NDUFAF6: variants seen among roughly 807,000 people sequenced by gnomAD.
The protein encoded by NDUFAF6 is NADH dehydrogenase (ubiquinone) complex I, assembly factor 6.
A neutral mutation model predicts 40.8 loss-of-function variants in NDUFAF6; 45 were observed. That is an observed-to-expected ratio of 1.10 (90% CI 0.87 to 1.42). NDUFAF6 has a LOEUF of 1.42. Among genes scored for constraint, NDUFAF6 ranks in the 40% most tolerant of loss-of-function variants. NDUFAF6 has a pLI of 0.00. For synonymous variants in NDUFAF6, 185 were observed against 155.9 expected (o/e 1.19, Z -1.39); for missense variants, 435 against 418.5 (o/e 1.04, Z -0.34).
At chr8:95,117,590 C>A (rs1376615169), downstream of NDUFAF6, among the ~76,000 whole-genome samples, 1 of 152,204 alleles carries the variant, frequency 6.6e-6, no homozygotes, top group Non-Finnish European at 1.5e-5. Flanking sequence ...ACAGACTTGA[C>A]AGATATTACC....
chr8:94,944,588 C>CA (rs1330573337), intron 1 of NDUFAF6, among the ~76,000 whole-genome samples: 37 of 152,230 alleles, frequency 2.4e-4, no homozygotes, highest in African/African-American at 8.9e-4. Flanking sequence ...CCTTGGGCGA[C>CA]AGAGTGCTCA....
intron 2 of NDUFAF6, chr8:95,034,780 A>G (rs1166049645): frequency 1.3e-5 from 2 of 152,384 alleles, no homozygotes; most frequent in Non-Finnish European, 2.9e-5. Context: ...CTTGCTACTA[A>G]TAAGCAGCCT....
intron 5 of NDUFAF6, among the ~76,000 whole-genome samples, chr8:95,046,181 C>G (rs1260864835): frequency 6.6e-6 from 1 of 152,080 alleles, no homozygotes; most frequent in Non-Finnish European, 1.5e-5. Flanking sequence ...CTGCCTCAGC[C>G]TCCTGAGTAG....
chr8:95,094,400 CTTTTT>C (rs71273460), intron 2 of NDUFAF6, among the ~76,000 whole-genome samples: 1 of 16,336 alleles, frequency 6.1e-5, no homozygotes, highest in Non-Finnish European at 9.7e-5. Flanking sequence ...TCTTTTCTTT[CTTTTT>C]TTTTTTTTTG....
downstream of NDUFAF6, among the ~76,000 whole-genome samples, chr8:95,062,470 G>T (rs192399672): frequency 2.5e-3 from 380 of 152,300 alleles, 4 homozygotes; most frequent in African/African-American, 8.7e-3. Context: ...AGTGGCATTT[G>T]AAAAAGAATG....
intron 2 of NDUFAF6, among the ~76,000 whole-genome samples, chr8:94,991,747 A>G (rs547642728): frequency 1.2e-4 from 18 of 147,660 alleles, no homozygotes; most frequent in African/African-American, 4.3e-4. Flanking sequence ...CTCTTCATCT[A>G]TCTTGGAAAT....
chr8:95,113,882 C>T (rs560239577), intron 4 of NDUFAF6, among the ~76,000 whole-genome samples: 2 of 151,994 alleles, frequency 1.3e-5, no homozygotes, highest in Admixed American at 6.6e-5. Context: ...TGGAAACCAT[C>T]ATTCTCAGTA....
At chr8:94,985,499 A>T (rs185347416) in intron 2 of NDUFAF6, among the ~76,000 whole-genome samples, 1 of 7,462 alleles carries the variant, frequency 1.3e-4, no homozygotes, top group African/African-American at 6.0e-4. Context: ...ATATATATAT[A>T]TATATATATA....
At chr8:94,999,035 C>T (rs768808842) in intron 2 of NDUFAF6, among the ~76,000 whole-genome samples, 9 of 151,248 alleles carry the variant, frequency 6.0e-5, no homozygotes, top group Non-Finnish European at 1.0e-4. Context: ...TATGTGTGTT[C>T]GTGTGTGTGT....
intron 4 of NDUFAF6, among the ~76,000 whole-genome samples, chr8:95,111,059 G>A (rs915166909): frequency 6.6e-6 from 1 of 152,238 alleles, no homozygotes; most frequent in African/African-American, 2.4e-5. Flanking sequence ...GGAAGCCAGA[G>A]GTTCTTACCC....
At chr8:95,084,313 C>T (rs1012168225) in intron 2 of NDUFAF6, among the ~76,000 whole-genome samples, 4 of 151,954 alleles carry the variant, frequency 2.6e-5, no homozygotes, top group African/African-American at 9.7e-5. Context: ...ATATATATTT[C>T]AGTACATATC....
At chr8:95,084,002 GA>G (rs536969657) in intron 2 of NDUFAF6, among the ~76,000 whole-genome samples, 1 of 151,626 alleles carries the variant, frequency 6.6e-6, no homozygotes, top group Non-Finnish European at 1.5e-5. Context: ...GATAAAATCT[GA>G]AAAAAAATGT....
At chr8:95,110,375 T>G (rs1809966086) in intron 4 of NDUFAF6, among the ~76,000 whole-genome samples, 2 of 152,238 alleles carry the variant, frequency 1.3e-5, no homozygotes, top group East Asian at 1.9e-4. Flanking sequence ...GGGTGCCACT[T>G]ACTTAAGAAG....
At chr8:95,098,702 A>T (rs759185423), upstream of NDUFAF6, among the ~76,000 whole-genome samples, 1 of 151,370 alleles carries the variant, frequency 6.6e-6, no homozygotes, top group African/African-American at 2.4e-5. Context: ...CTTATTAAAA[A>T]CTCTATGAAC....
intron 1 of NDUFAF6, chr8:94,940,028 G>T: frequency 6.2e-7 from 1 of 1,614,186 alleles, no homozygotes; most frequent in Non-Finnish European, 8.5e-7. Flanking sequence ...AGTAAAACAT[G>T]GGGGTGGGGT....
At chr8:95,032,722 A>T (rs1413227778) in intron 2 of NDUFAF6, among the ~76,000 whole-genome samples, 2 of 152,208 alleles carry the variant, frequency 1.3e-5, no homozygotes, top group African/African-American at 4.8e-5. Context: ...GGAGTGAGGG[A>T]GCAGGAGAGG....
chr8:94,942,156 CCT>C (rs1821601310), intron 1 of NDUFAF6, among the ~76,000 whole-genome samples: 1 of 152,002 alleles, frequency 6.6e-6, no homozygotes, highest in South Asian at 2.1e-4. Context: ...CCTGCCTCAG[CCT>C]CCCAAGTAGC....
chr8:94,943,213 G>A (rs952837142), intron 1 of NDUFAF6, among the ~76,000 whole-genome samples: 6 of 152,218 alleles, frequency 3.9e-5, no homozygotes, highest in Non-Finnish European at 8.8e-5. Flanking sequence ...ATGAGGCTAG[G>A]TGTGGAGGCT....
At chr8:95,031,943 T>G (rs1828899883) in intron 1 of NDUFAF6, 52 bp from the exon 2 acceptor site, 2 of 1,533,772 alleles carry the variant, frequency 1.3e-6, no homozygotes, top group East Asian at 2.2e-5. Context: ...AGTATTTTTT[T>G]GTGCAGCTTG....
Sources: allele counts gnomAD v4.1 joint callset (sites outside exome capture counted in the v4.1 genomes callset), GRCh38; gene constraint gnomAD v4.1.1; transcripts MANE v1.5; gene names NCBI Gene and HGNC (gene_info 2026-07-23, HGNC 2026-07-21).